The following ATP8A2 variants were observed in gnomAD, a reference collection of about 807,000 sequenced individuals.
ATP8A2 encodes phospholipid-transporting ATPase IB.
Under a neutral mutation model 165.6 loss-of-function variants are expected in ATP8A2, and 100 were observed. The ratio of observed to expected loss-of-function variants is 0.60; its 90% CI spans 0.51 to 0.71. ATP8A2 has a LOEUF of 0.71. Ranked by LOEUF, ATP8A2 falls within the 30% of genes least tolerant of loss-of-function variation. The pLI, the probability that ATP8A2 is intolerant of heterozygous loss-of-function variation, is 0.00. For missense variants in ATP8A2, 1,227 were observed against 1,479.5 expected (o/e 0.83, Z 2.80); for synonymous variants, 543 against 548.8 (o/e 0.99, Z 0.15).
intron 25 of ATP8A2, among the ~76,000 whole-genome samples, chr13:25,707,211 A>G (rs1023021643): frequency 6.6e-6 from 1 of 152,206 alleles, no homozygotes. Flanking sequence ...CTAAATAATT[A>G]TTTACAGCTT....
intron 23 of ATP8A2, among the ~76,000 whole-genome samples, chr13:25,582,716 A>G (rs1264009197): frequency 6.6e-6 from 1 of 152,190 alleles, no homozygotes; most frequent in Non-Finnish European, 1.5e-5. Context: ...GAGCCTTTGT[A>G]TTTAAGTGAC....
chr13:25,606,949 AC>A (rs745813081), intron 24 of ATP8A2, among the ~76,000 whole-genome samples: 2 of 152,134 alleles, frequency 1.3e-5, no homozygotes, highest in African/African-American at 2.4e-5. Context: ...ACGAAACAGT[AC>A]TGGTCCATGG....
At chr13:25,500,152 A>G (rs2036808954) in intron 2 of ATP8A2, among the ~76,000 whole-genome samples, 1 of 152,098 alleles carries the variant, frequency 6.6e-6, no homozygotes, top group South Asian at 2.1e-4. Context: ...TCTTATCTTG[A>G]AGTATGATAC....
intron 24 of ATP8A2, among the ~76,000 whole-genome samples, chr13:25,620,851 T>C (rs753744324): frequency 9.2e-5 from 14 of 152,226 alleles, no homozygotes; most frequent in Non-Finnish European, 1.6e-4. Flanking sequence ...TGGAGATCAA[T>C]GAACTAATGG....
At chr13:25,498,947 T>C (rs2036764258) in intron 2 of ATP8A2, among the ~76,000 whole-genome samples, 1 of 152,186 alleles carries the variant, frequency 6.6e-6, no homozygotes, top group Non-Finnish European at 1.5e-5. Flanking sequence ...AGAGACTGTT[T>C]ATATACAGAG....
intron 24 of ATP8A2, among the ~76,000 whole-genome samples, chr13:25,684,751 T>G (rs1202450787): frequency 8.6e-5 from 1 of 11,670 alleles, no homozygotes; most frequent in South Asian, 2.9e-3. Flanking sequence ...CAGAGCCACT[T>G]CTCTTTTTTT....
intron 25 of ATP8A2, among the ~76,000 whole-genome samples, chr13:25,742,054 T>C (rs999598421): frequency 3.3e-5 from 5 of 152,240 alleles, no homozygotes; most frequent in African/African-American, 1.2e-4. Flanking sequence ...TTTATCATTG[T>C]GTGAACATCA....
Position 25,750,434 on chromosome 13 carries a change from A to C in ATP8A2, c.2385-18612A>C, listed in dbSNP as rs2044129525. On this transcript the variant is annotated intron_variant, in intron 25 of 36. Transcript: ENST00000381655. This position sits in a 1 kb window ranked among gnomAD's most constrained non-coding sequence, Gnocchi z 4.3. Reference sequence around the variant, plus strand: ...TAGTTTTGGGCCATACACTGTGCCCACCCCCACACTGAAGCAGCCTCCCTC... The same window carrying C: ...TAGTTTTGGGCCATACACTGTGCCCCCCCCCACACTGAAGCAGCCTCCCTC... Among the ~76,000 whole-genome samples the C allele has an allele frequency of 6.6e-6, 1 of 150,686 alleles. No individual in the cohort carries two copies. Among genetic ancestry groups the C allele is most frequent in the African/African-American group, 2.4e-5 (1 of 40,828 alleles).
chr13:25,472,723 A>G (rs192086755), intron 2 of ATP8A2, among the ~76,000 whole-genome samples: 58 of 152,288 alleles, frequency 3.8e-4, no homozygotes, highest in African/African-American at 9.9e-4. Flanking sequence ...TTTTGAAAAG[A>G]AGGGACCACA....
Position 25,491,521 on chromosome 13 carries a change from C to A in ATP8A2, c.221+22400C>A, listed in dbSNP as rs111332933. On this transcript the variant is annotated intron_variant, in intron 2 of 36. Transcript: ENST00000381655. The stretch of plus-strand genomic sequence containing the variant: ...GGGATTGCAAGTGTGAGTCACCATG[C>A]CCGACGCCTGAGTTTACATAGTAGC... 5.0e-3 allele frequency among the ~76,000 whole-genome samples: 757 copies of A among 152,286 alleles called. 4 individuals are homozygous for A. The highest frequency in any genetic ancestry group is 0.018 in the African/African-American group (734 of 41,544).
At chr13:25,941,503 C>T (rs61947396) in intron 33 of ATP8A2, among the ~76,000 whole-genome samples, 3 of 152,124 alleles carry the variant, frequency 2.0e-5, no homozygotes, top group South Asian at 4.2e-4. Context: ...TTCTTACCTG[C>T]GCCGAAATGG....
chr13:25,465,671 CTT>C (rs1555274844), intron 1 of ATP8A2, among the ~76,000 whole-genome samples: 678 of 7,266 alleles, frequency 0.093, 16 homozygotes, highest in Non-Finnish European at 0.14. Flanking sequence ...AGTTTTCTTT[CTT>C]TCTTTCTTTC....
At chr13:25,482,563 C>T (rs936860584) in intron 2 of ATP8A2, among the ~76,000 whole-genome samples, 6 of 152,096 alleles carry the variant, frequency 3.9e-5, no homozygotes, top group African/African-American at 1.2e-4. Context: ...AGGTGTATGT[C>T]TTTCCAGAAA....
At position 25,541,664 on chromosome 13, in the gene ATP8A2, G is replaced by A. The variant is rs148024844; in HGVS notation, c.652-255G>A. 6.4e-4 allele frequency among the ~76,000 whole-genome samples: 98 copies of A among 152,270 alleles called. 1 individual carries two copies. In the South Asian group the frequency reaches 0.011, roughly 17 times the overall value. On this transcript the variant is annotated intron_variant, in intron 8 of 36. Transcript: ENST00000381655. ...GGTATGTTAATTATTACTTATGCAC[G>A]GATGTTTCTAGTACAGTGGTGGAAT...
At chr13:25,783,631 G>C (rs928277131) in intron 27 of ATP8A2, among the ~76,000 whole-genome samples, 2 of 152,122 alleles carry the variant, frequency 1.3e-5, no homozygotes, top group Non-Finnish European at 2.9e-5. Flanking sequence ...AGGATCCCAG[G>C]ATGAAACGAG....
At chr13:25,894,181 T>A (rs541569543) in intron 33 of ATP8A2, among the ~76,000 whole-genome samples, 137 of 152,320 alleles carry the variant, frequency 9.0e-4, no homozygotes, top group African/African-American at 3.2e-3. Flanking sequence ...AACATGTAAG[T>A]CTTTAATCCA....
Position 25,548,297 on chromosome 13 carries a change from G to A in ATP8A2, c.892-3041G>A, listed in dbSNP as rs144767723. ...CATTGCAAGTAAAAATGTTCAGGGG[G>A]TGGGAGTCAGTAGGCCAAGGTTGGC... is the stretch of plus-strand genomic sequence containing the variant. On this transcript the variant is annotated intron_variant, in intron 10 of 36. Coordinates refer to ENST00000381655, the MANE Select transcript of ATP8A2 (RefSeq NM_016529.6). Among the ~76,000 whole-genome samples, 15 of 152,232 alleles carry A rather than the reference G, an allele frequency of 9.9e-5. No homozygotes were observed. The East Asian group carries it at 2.9e-3, about 29-fold the overall frequency.
chr13:25,789,926 C>G (rs747723796), intron 27 of ATP8A2, among the ~76,000 whole-genome samples: 8 of 152,186 alleles, frequency 5.3e-5, no homozygotes, highest in Non-Finnish European at 1.0e-4. Flanking sequence ...AATAAGACCA[C>G]ATACCTACAA....
chr13:25,394,953 G>A (rs1352838774), intron 1 of ATP8A2, among the ~76,000 whole-genome samples: 1 of 152,084 alleles, frequency 6.6e-6, no homozygotes, highest in African/African-American at 2.4e-5. Flanking sequence ...GCCCTTAGAA[G>A]CCTTCCCTTT....
Sources: gnomAD v4.1 joint callset for allele counts (sites outside exome capture counted in the v4.1 genomes callset) on GRCh38, gnomAD v4.1.1 for gene constraint, Gnocchi (gnomAD v3.1) non-coding constraint, MANE v1.5 for transcripts, NCBI Gene and HGNC (gene_info 2026-07-23, HGNC 2026-07-21) for gene names.